RCN1: variants seen among roughly 807,000 people sequenced by gnomAD.
RCN1 encodes the protein reticulocalbin 1, also known as reticulocalbin-1.
In RCN1, 14 loss-of-function variants were observed where a neutral mutation model predicts 34.7. That is an observed-to-expected ratio of 0.40 (90% CI 0.27 to 0.63). The LOEUF is 0.63. Among genes scored for constraint, RCN1 ranks in the 30% least tolerant of loss-of-function variants. The pLI, the probability that RCN1 is intolerant of heterozygous loss-of-function variation, is 0.37. For synonymous variants in RCN1, 125 were observed against 165.5 expected, an observed-to-expected ratio of 0.76 and a Z score of 1.88; for missense variants, 326 against 425.1, an observed-to-expected ratio of 0.77 and a Z score of 2.05.
chr11:32,091,097 C>A lies in RCN1; in HGVS notation c.-100C>A, dbSNP rs1851914072. Reference sequence around the variant, plus strand: ...CCAGTCCCCTCCTCCGCGCCGGCCCCAACCCTGTCGCTGCCGCCGCGCTCC... The same window carrying A: ...CCAGTCCCCTCCTCCGCGCCGGCCCAAACCCTGTCGCTGCCGCCGCGCTCC... On this transcript the variant is annotated 5_prime_UTR_variant, in exon 1 of 6. Coordinates refer to ENST00000054950, the MANE Select transcript of RCN1 (RefSeq NM_002901.4). 6 of 1,332,560 alleles carry A rather than the reference C, an allele frequency of 4.5e-6. No homozygotes were observed. The African/African-American group carries it at 6.2e-5, about 14-fold the overall frequency. The allele number at this position is 1,332,560 out of a possible 1,614,324, so 82.5% of individuals were successfully genotyped here. A position where few individuals can be genotyped will look rare whatever the true frequency, so the allele number is the denominator to read the frequency against.
intron 4 of RCN1, among the ~76,000 whole-genome samples, chr11:32,101,174 G>A (rs542405386): frequency 3.3e-5 from 5 of 152,260 alleles, no homozygotes; most frequent in African/African-American, 1.2e-4. Context: ...GTCCTATAGT[G>A]TCAAATTAAT....
At chr11:32,103,828 A>C (rs979339241) in intron 5 of RCN1, among the ~76,000 whole-genome samples, 1 of 152,210 alleles carries the variant, frequency 6.6e-6, no homozygotes, top group African/African-American at 2.4e-5. Flanking sequence ...AATACTTATC[A>C]AACATCTGTG....
At chr11:32,099,619 A>G (rs1852012990) in intron 3 of RCN1, among the ~76,000 whole-genome samples, 1 of 152,178 alleles carries the variant, frequency 6.6e-6, no homozygotes, top group Admixed American at 6.5e-5. Context: ...TTCATTTTCC[A>G]TGACAATTAA....
Position 32,091,528 on chromosome 11 carries a change from C to T in RCN1, c.254+78C>T, listed in dbSNP as rs535060992. On this transcript the variant is annotated intron_variant, in intron 1 of 5. Coordinates refer to ENST00000054950, the MANE Select transcript of RCN1 (RefSeq NM_002901.4). ...CCTGGGCGAGAGCCACGCGGGATACCACCGCCAAAGCGAAAGCGAAATCGC... is the reference window on the plus strand; with the variant it reads ...CCTGGGCGAGAGCCACGCGGGATACTACCGCCAAAGCGAAAGCGAAATCGC... 1.3e-4 allele frequency: 194 copies of T among 1,491,078 alleles called. 1 individual carries two copies. The highest frequency in any genetic ancestry group is 1.1e-3 in the South Asian group (85 of 77,708). 92.4% of individuals were successfully genotyped at this position (1,491,078 alleles called of 1,614,324 possible). A position where few individuals can be genotyped will look rare whatever the true frequency, so the allele number is the denominator to read the frequency against.
chr11:32,096,273 C>T (rs223074), intron 1 of RCN1, among the ~76,000 whole-genome samples: 21,516 of 152,088 alleles, frequency 0.14, 1,611 homozygotes, highest in East Asian at 0.29. Context: ...TGAAGTTCCC[C>T]ACTGGGATGC....
At chr11:32,094,259 C>T (rs1213008386) in intron 1 of RCN1, among the ~76,000 whole-genome samples, 1 of 152,160 alleles carries the variant, frequency 6.6e-6, no homozygotes, top group African/African-American at 2.4e-5. Flanking sequence ...TGTGACAGCT[C>T]TAAGGCCCCT....
rs901993473 is a variant in RCN1 at position 32,091,291 on chromosome 11, C to T, written c.95C>T (p.Thr32Met). The T allele has an allele frequency of 6.5e-7, 1 of 1,544,058 alleles. No individual in the cohort carries two copies. The highest frequency in any genetic ancestry group is 8.7e-7 in the Non-Finnish European group (1 of 1,144,530). Residue 32 changes from threonine to methionine, a missense_variant, in exon 1 of 6, where the codon ACG (threonine) becomes ATG (methionine). By Grantham distance (81) the Thr-to-Met change is moderately conservative (BLOSUM62 -1). Coordinates refer to ENST00000054950, the MANE Select transcript of RCN1 (RefSeq NM_002901.4). ...LAPRVLRAKP[T>M]VRKERVVRPD... is the part of the protein sequence containing the mutation. ...CCGCGGGTTCTGCGGGCCAAGCCCA[C>T]GGTGCGCAAAGAGCGCGTGGTGCGG...
At position 32,098,478 on chromosome 11, in the gene RCN1, G is replaced by C. The variant is rs1478539991; in HGVS notation, c.577G>C (p.Ala193Pro). Residue 193 changes from alanine to proline, a missense_variant, in exon 3 of 6, where the codon GCC (alanine) becomes CCC (proline). Ala to Pro is a conservative substitution (Grantham distance 27). Coordinates refer to ENST00000054950, the MANE Select transcript of RCN1 (RefSeq NM_002901.4). ...DLTATREEFT[A>P]FLHPEEFEHM... ...GACAGCTACTCGGGAGGAGTTCACT[G>C]CCTTTCTGCATCCTGAAGAGTTTGA... The C allele has an allele frequency of 1.9e-6, 3 of 1,614,078 alleles. No individual in the cohort carries two copies. The highest frequency in any genetic ancestry group is 2.5e-6 in the Non-Finnish European group (3 of 1,179,990).
chr11:32,099,838 A>G (rs1852015651), intron 3 of RCN1, among the ~76,000 whole-genome samples: 1 of 152,102 alleles, frequency 6.6e-6, no homozygotes, highest in South Asian at 2.1e-4. Context: ...ATTTCTCTTT[A>G]CCACTCAACA....
chr11:32,096,257 T>C (rs1565350075), intron 1 of RCN1, among the ~76,000 whole-genome samples: 1 of 151,966 alleles, frequency 6.6e-6, no homozygotes, highest in Non-Finnish European at 1.5e-5. Flanking sequence ...AGCTTGGAGG[T>C]GTTTTTGAAG....
chr11:32,103,295 C>T lies in RCN1; in HGVS notation c.703C>T (p.His235Tyr), dbSNP rs1451813153. The T allele has an allele frequency of 1.2e-6, 2 of 1,613,784 alleles. No homozygotes were observed. Among genetic ancestry groups the T allele is most frequent in the South Asian group, 1.1e-5 (1 of 91,080 alleles). The stretch of plus-strand genomic sequence containing the variant: ...TTCCCTTCTAGCGGATATGTTTTCC[C>T]ATGAGGAGAATGGCCCTGAGCCAGA... Reference protein sequence around the residue: ...QDEYIADMFSHEENGPEPDWV... With the variant: ...QDEYIADMFSYEENGPEPDWV... Residue 235 changes from histidine to tyrosine, a missense_variant, in exon 5 of 6, where the codon CAT (histidine) becomes TAT (tyrosine). Physicochemically the swap from His to Tyr is moderately conservative, Grantham distance 83 (BLOSUM62 2). Coordinates refer to ENST00000054950, the MANE Select transcript of RCN1 (RefSeq NM_002901.4).
intron 4 of RCN1, among the ~76,000 whole-genome samples, chr11:32,101,762 C>A (rs923661299): frequency 2.6e-5 from 4 of 152,160 alleles, no homozygotes; most frequent in Non-Finnish European, 4.4e-5. Context: ...AGCAGTTGAG[C>A]CTTCCTCTTG....
At chr11:32,094,347 T>C (rs1471253268) in intron 1 of RCN1, among the ~76,000 whole-genome samples, 1 of 152,180 alleles carries the variant, frequency 6.6e-6, no homozygotes, top group Non-Finnish European at 1.5e-5. Flanking sequence ...ACAGTGTAAA[T>C]TACTTGCCCA....
At chr11:32,099,318 C>T (rs1307195593) in intron 3 of RCN1, among the ~76,000 whole-genome samples, 1 of 142,608 alleles carries the variant, frequency 7.0e-6, no homozygotes, top group Admixed American at 7.0e-5. Flanking sequence ...GAGACTCCTT[C>T]TCAAAAAAAA....
intron 4 of RCN1, 82 bp from the exon 5 acceptor site, chr11:32,103,199 G>A: frequency 7.9e-7 from 1 of 1,269,646 alleles, no homozygotes; most frequent in African/African-American, 1.5e-5. Flanking sequence ...CTAAAGCTCA[G>A]GAGGTCAAGT....
In RCN1 at chr11:32,105,147, G is replaced by C. The variant is rs1201650909; in HGVS notation, c.*675G>C. ...GAAAAAGAAAGGAATTTAGAGGTAG[G>C]GAAAAGATGAATGTCAGACATTTGA... On this transcript the variant is annotated 3_prime_UTR_variant, in exon 6 of 6. Transcript: ENST00000054950. The C allele has an allele frequency of 6.0e-6, 1 of 167,040 alleles. No individual in the cohort carries two copies. The highest frequency in any genetic ancestry group is 2.4e-5 in the African/African-American group (1 of 41,430). The allele number at this position is 167,040 out of a possible 1,614,324, so 10.3% of individuals were successfully genotyped here. A position where few individuals can be genotyped will look rare whatever the true frequency, so the allele number is the denominator to read the frequency against.
intron 1 of RCN1, chr11:32,091,734 C>T (rs1298218112): frequency 2.2e-6 from 1 of 457,728 alleles, no homozygotes; most frequent in Non-Finnish European, 3.8e-6. Context: ...AGGGCCCGCC[C>T]CCTCCCCCAG....
In RCN1 at chr11:32,098,387, C is replaced by T. The variant is rs563486036; in HGVS notation, c.486C>T (p.His162=). Reference sequence around the variant, plus strand: ...AGTTTCATGATTCTTCAGATCATCACACCTTTAAAAAGATGCTGCCACGTG... The same window carrying T: ...AGTTTCATGATTCTTCAGATCATCATACCTTTAAAAAGATGCTGCCACGTG... ...PAEFHDSSDH[H]TFKKMLPRDE... Residue 162 remains histidine, a synonymous_variant, in exon 3 of 6, where the codon CAC becomes CAT. Transcript: ENST00000054950. 3.3e-5 allele frequency: 53 copies of T among 1,613,604 alleles called. 1 individual carries two copies. In the South Asian group the frequency reaches 5.6e-4, roughly 17 times the overall value.
intron 1 of RCN1, chr11:32,091,732 C>T: frequency 2.2e-6 from 1 of 457,894 alleles, no homozygotes; most frequent in Non-Finnish European, 3.8e-6. Flanking sequence ...CGAGGGCCCG[C>T]CCCCTCCCCC....
Sources: allele counts gnomAD v4.1 joint callset (sites outside exome capture counted in the v4.1 genomes callset), GRCh38; gene constraint gnomAD v4.1.1; transcripts MANE v1.5; gene names NCBI Gene and HGNC (gene_info 2026-07-23, HGNC 2026-07-21).